ANO3: variants seen among roughly 807,000 people sequenced by gnomAD.
ANO3 encodes the protein anoctamin 3, also known as anoctamin-3.
A neutral mutation model predicts 144.8 loss-of-function variants in ANO3; 99 were observed. That is an observed-to-expected ratio of 0.68 (90% CI 0.58 to 0.81). The LOEUF is 0.81. Among genes scored for constraint, ANO3 ranks in the 30% least tolerant of loss-of-function variants. ANO3 has a pLI of 0.00. For synonymous variants in ANO3, 414 were observed against 392.6 expected (o/e 1.05, Z -0.64); for missense variants, 905 against 1,202.2 (o/e 0.75, Z 3.66).
At position 26,286,984 on chromosome 11, in the gene ANO3, G is replaced by A. The variant is rs564909400; in HGVS notation, c.155-22661G>A. Among the ~76,000 whole-genome samples, 24 of 152,240 alleles carry A rather than the reference G, an allele frequency of 1.6e-4. No homozygotes were observed. The South Asian group carries it at 4.8e-3, about 30-fold the overall frequency. On this transcript the variant is annotated intron_variant, in intron 1 of 27. Transcript: ENST00000672621. Reference sequence around the variant, plus strand: ...GGAAGGAGTTTATAAACTTAACAAAGTGTTATAAATCAATGGAAGCACAAG... The same window carrying A: ...GGAAGGAGTTTATAAACTTAACAAAATGTTATAAATCAATGGAAGCACAAG...
At chr11:26,582,878 TAAAG>T (rs879179569) in intron 14 of ANO3, among the ~76,000 whole-genome samples, 1 of 152,208 alleles carries the variant, frequency 6.6e-6, no homozygotes, top group South Asian at 2.1e-4. Flanking sequence ...TCAACTGAAT[TAAAG>T]AAAGTATATC....
At chr11:26,308,171 G>C (rs1275412049), upstream of ANO3, among the ~76,000 whole-genome samples, 4 of 152,292 alleles carry the variant, frequency 2.6e-5, no homozygotes, top group Admixed American at 1.3e-4. Flanking sequence ...TTTCTGCAAA[G>C]ACACAAAAGT....
At chr11:26,546,091 T>C (rs1410415611) in intron 11 of ANO3, among the ~76,000 whole-genome samples, 2 of 151,930 alleles carry the variant, frequency 1.3e-5, no homozygotes, top group African/African-American at 2.4e-5. Context: ...ACCAAAATCA[T>C]AAAGGTCCTC....
At chr11:26,532,264 G>T (rs1189406862) in intron 8 of ANO3, among the ~76,000 whole-genome samples, 1 of 152,128 alleles carries the variant, frequency 6.6e-6, no homozygotes, top group African/African-American at 2.4e-5. Context: ...CAGTGATATT[G>T]TAGTGGCAGA....
rs552063532 is a variant in ANO3, at chr11:26,218,092, A to G, written c.154+28762A>G. Among the ~76,000 whole-genome samples, 13 of 152,204 alleles carry G rather than the reference A, an allele frequency of 8.5e-5. No individual in the cohort carries two copies. The South Asian group carries it at 2.5e-3, about 29-fold the overall frequency. On this transcript the variant is annotated intron_variant, in intron 1 of 27. Coordinates refer to the ANO3 transcript ENST00000672621. ...CTAAAATGTATTTCTTTGTTTATTCATTTTCAGTAAGTGAGGTAGCATTCT... is the reference window on the plus strand; with the variant it reads ...CTAAAATGTATTTCTTTGTTTATTCGTTTTCAGTAAGTGAGGTAGCATTCT...
intron 1 of ANO3, among the ~76,000 whole-genome samples, chr11:26,233,102 A>G (rs1042974857): frequency 4.6e-5 from 7 of 151,988 alleles, no homozygotes; most frequent in Non-Finnish European, 1.0e-4. Context: ...CTGTAGTCCC[A>G]GCTACTCGGG....
At chr11:26,456,174 C>T (rs1264505109) in intron 3 of ANO3, among the ~76,000 whole-genome samples, 1 of 152,180 alleles carries the variant, frequency 6.6e-6, no homozygotes, top group African/African-American at 2.4e-5. Flanking sequence ...GCAAGGACTT[C>T]ATGTCTAAAA....
intron 1 of ANO3, among the ~76,000 whole-genome samples, chr11:26,311,970 G>C (rs1470885533): frequency 6.6e-6 from 1 of 152,136 alleles, no homozygotes; most frequent in Non-Finnish European, 1.5e-5. Context: ...ATTTACATTA[G>C]GTATATCTCC....
intron 1 of ANO3, among the ~76,000 whole-genome samples, chr11:26,273,168 T>A (rs1026688205): frequency 3.3e-5 from 5 of 151,718 alleles, no homozygotes; most frequent in Non-Finnish European, 7.4e-5. Context: ...ATTGGTTCCA[T>A]CAATGCTTTT....
At chr11:26,477,970 T>C (rs933573084) in intron 4 of ANO3, among the ~76,000 whole-genome samples, 1 of 152,154 alleles carries the variant, frequency 6.6e-6, no homozygotes, top group African/African-American at 2.4e-5. Flanking sequence ...AGCTAAAATA[T>C]CATTTGGTTG....
chr11:26,638,698 A>G (rs1853047091), intron 20 of ANO3, among the ~76,000 whole-genome samples: 1 of 152,236 alleles, frequency 6.6e-6, no homozygotes, highest in African/African-American at 2.4e-5. Flanking sequence ...TAAGGAGTGT[A>G]TGGGAACTCT....
intron 3 of ANO3, among the ~76,000 whole-genome samples, chr11:26,461,419 C>G (rs939130065): frequency 6.6e-6 from 1 of 152,042 alleles, no homozygotes; most frequent in African/African-American, 2.4e-5. Flanking sequence ...ATGTTCTTTA[C>G]TAAAATGACA....
chr11:26,607,239 G>A (rs1264494339), intron 17 of ANO3, among the ~76,000 whole-genome samples: 1 of 152,074 alleles, frequency 6.6e-6, no homozygotes, highest in African/African-American at 2.4e-5. Flanking sequence ...ATATTAACAT[G>A]ACTTCCCTTA....
At chr11:26,594,040 A>G (rs1233873106) in intron 14 of ANO3, among the ~76,000 whole-genome samples, 1 of 152,142 alleles carries the variant, frequency 6.6e-6, no homozygotes, top group Non-Finnish European at 1.5e-5. Flanking sequence ...GGCCGTCAAT[A>G]GAGTCAGGTG....
chr11:26,381,535 G>C (rs1856589911), intron 1 of ANO3, among the ~76,000 whole-genome samples: 1 of 152,072 alleles, frequency 6.6e-6, no homozygotes, highest in African/African-American at 2.4e-5. Context: ...TGTAGTTATT[G>C]ACTTTGTCTG....
intron 1 of ANO3, among the ~76,000 whole-genome samples, chr11:26,419,153 C>T (rs1857680549): frequency 6.6e-6 from 1 of 151,890 alleles, no homozygotes; most frequent in African/African-American, 2.4e-5. Context: ...ATGGCCAGAG[C>T]GGGAGGAAGA....
At chr11:26,574,377 T>A (rs1850934206) in intron 14 of ANO3, among the ~76,000 whole-genome samples, 1 of 152,168 alleles carries the variant, frequency 6.6e-6, no homozygotes, top group Non-Finnish European at 1.5e-5. Context: ...AAAGAGTATC[T>A]TTTTGTACAA....
intron 1 of ANO3, among the ~76,000 whole-genome samples, chr11:26,191,981 C>T (rs1402988108): frequency 6.6e-6 from 1 of 152,042 alleles, no homozygotes; most frequent in African/African-American, 2.4e-5. Context: ...ATGCATGATA[C>T]ACATATAAAA....
rs935719854 is a variant in ANO3 at position 26,196,328 on chromosome 11, G to A, written c.154+6998G>A. Among the ~76,000 whole-genome samples the A allele has an allele frequency of 2.0e-5, 3 of 151,870 alleles. No homozygotes were observed. The East Asian group carries it at 5.8e-4, about 29-fold the overall frequency. On this transcript the variant is annotated intron_variant, in intron 1 of 27. Transcript: ENST00000672621. The stretch of plus-strand genomic sequence containing the variant: ...ATTATCTTTTTCTTCTATTTGTCCT[G>A]CAGATGTTTTCTTCAGAATTCTTAT...
Sources: allele counts gnomAD v4.1 joint callset (sites outside exome capture counted in the v4.1 genomes callset), GRCh38; gene constraint gnomAD v4.1.1; transcripts MANE v1.5; gene names NCBI Gene and HGNC (gene_info 2026-07-23, HGNC 2026-07-21).